Variants in CPAMD8 observed in about 807,000 individuals in gnomAD.
The protein encoded by CPAMD8 is C3 and PZP-like alpha-2-macroglobulin domain-containing protein 8.
Under a neutral mutation model 224.7 loss-of-function variants are expected in CPAMD8, and 146 were observed. The observed-to-expected ratio is 0.65, with a 90% CI of 0.57 to 0.75. The LOEUF (loss-of-function observed/expected upper bound fraction) is 0.75. CPAMD8 is among the 30% of genes least tolerant of loss of function. The pLI, the probability that CPAMD8 is intolerant of heterozygous loss-of-function variation, is 0.00. For synonymous variants in CPAMD8, 966 were observed against 1,044.6 expected, an observed-to-expected ratio of 0.92 and a Z score of 1.45; for missense variants, 2,301 against 2,537.5, an observed-to-expected ratio of 0.91 and a Z score of 2.00.
At chr19:16,920,890 G>A (rs1329274622) in intron 27 of CPAMD8, among the ~76,000 whole-genome samples, 4 of 149,244 alleles carry the variant, frequency 2.7e-5, no homozygotes, top group East Asian at 2.0e-4. Context: ...GGTCCAATGC[G>A]TCACAACTTG....
At chr19:16,953,002 T>A (rs150548786) in intron 19 of CPAMD8, among the ~76,000 whole-genome samples, 4 of 152,154 alleles carry the variant, frequency 2.6e-5, no homozygotes, top group African/African-American at 9.6e-5. Flanking sequence ...AATCAATGTG[T>A]TACTGGCATA....
chr19:16,901,187 G>T, intron 36 of CPAMD8, 23 bp downstream of exon 36: 1 of 1,566,488 alleles, frequency 6.4e-7, no homozygotes, highest in African/African-American at 1.4e-5. Context: ...CCTGCCCACC[G>T]CTGCTCACCG....
chr19:16,893,916 G>A (rs539604142), intron 41 of CPAMD8: 1 of 160,634 alleles, frequency 6.2e-6, no homozygotes, highest in African/African-American at 2.4e-5. Context: ...CCAAAGGGAG[G>A]CCGGGGCTTT....
intron 34 of CPAMD8, 102 bp downstream of exon 34, chr19:16,903,459 T>C (rs1197077232): frequency 1.9e-6 from 3 of 1,548,164 alleles, no homozygotes; most frequent in East Asian, 2.3e-5. Flanking sequence ...TGCTGCTGAG[T>C]TCAGAACCCT....
At chr19:16,893,374 C>T in intron 41 of CPAMD8, 35 bp from the exon 42 acceptor site, 1 of 1,407,802 alleles carries the variant, frequency 7.1e-7, no homozygotes, top group Non-Finnish European at 9.6e-7. Flanking sequence ...ACATCCTCTA[C>T]AGCAAGTGGG....
intron 2 of CPAMD8, among the ~76,000 whole-genome samples, chr19:17,020,863 T>C (rs2056935204): frequency 6.6e-6 from 1 of 152,174 alleles, no homozygotes; most frequent in Admixed American, 6.5e-5. Context: ...GCAACCATTA[T>C]CCCATTTCCT....
rs988012060 is a variant in CPAMD8 at position 17,008,781 on chromosome 19, C to A, written c.505-222G>T. On this transcript the variant is annotated intron_variant, in intron 6 of 41. Transcript: ENST00000443236. ...GGGCCTACCTCCTCATTTAGGGAGC[C>A]GTGTACAAACCTAGAAATGGACGTG... The A allele has an allele frequency of 6.7e-6, 4 of 600,184 alleles. No homozygotes were observed. The African/African-American group carries it at 7.4e-5, about 11-fold the overall frequency. The allele number at this position is 600,184 out of a possible 1,614,324, so 37.2% of individuals were successfully genotyped here.
intron 20 of CPAMD8, among the ~76,000 whole-genome samples, chr19:16,949,927 A>G (rs1031873330): frequency 6.6e-5 from 10 of 152,120 alleles, no homozygotes; most frequent in Non-Finnish European, 4.4e-5. Flanking sequence ...ACCCATGACA[A>G]TGCTTCTTTG....
chr19:16,970,547 T>C (rs1034515530), intron 18 of CPAMD8, among the ~76,000 whole-genome samples: 8 of 151,020 alleles, frequency 5.3e-5, no homozygotes, highest in African/African-American at 1.9e-4. Context: ...ATCACACCAC[T>C]GGGGGTGTGG....
chr19:16,963,643 AGGT>A (rs1178608276), intron 18 of CPAMD8, among the ~76,000 whole-genome samples: 1 of 152,208 alleles, frequency 6.6e-6, no homozygotes, highest in East Asian at 1.9e-4. Flanking sequence ...GTGAGACAGA[AGGT>A]TAACAAGGAT....
chr19:16,906,749 A>G (rs938497281), intron 30 of CPAMD8, among the ~76,000 whole-genome samples: 4 of 150,794 alleles, frequency 2.7e-5, no homozygotes, highest in Non-Finnish European at 5.9e-5. Flanking sequence ...TTGCTCTGTT[A>G]CCCAGGCTGG....
chr19:16,998,176 T>A (rs1051041925), intron 10 of CPAMD8, among the ~76,000 whole-genome samples: 3 of 151,972 alleles, frequency 2.0e-5, no homozygotes, highest in Non-Finnish European at 4.4e-5. Flanking sequence ...AGCAGAGAGA[T>A]GGGCTGGGTG....
chr19:16,906,896 ACTC>A lies in CPAMD8; in HGVS notation c.4027+53_4027+55del, dbSNP rs2052538330. 3.4e-6 allele frequency: 5 copies of A among 1,488,250 alleles called. No individual in the cohort carries two copies. The African/African-American group carries it at 6.9e-5, about 21-fold the overall frequency. The allele number at this position is 1,488,250 out of a possible 1,614,324, so 92.2% of individuals were successfully genotyped here. Reference sequence around the variant, plus strand: ...AATATGTTCATGAGTTGTTTACCAGACTCCACAGTGGGCTTCCCGACGCTGTGG... The same window carrying A: ...AATATGTTCATGAGTTGTTTACCAGACACAGTGGGCTTCCCGACGCTGTGG... On this transcript the variant is annotated intron_variant, in intron 30 of 41. Coordinates refer to ENST00000443236, the MANE Select transcript of CPAMD8 (RefSeq NM_015692.5).
At chr19:16,913,949 A>G (rs1382391137) in intron 29 of CPAMD8, among the ~76,000 whole-genome samples, 1 of 152,140 alleles carries the variant, frequency 6.6e-6, no homozygotes, top group African/African-American at 2.4e-5. Flanking sequence ...GCCTCATAGA[A>G]GAGACTATGG....
In CPAMD8 at chr19:16,975,195, G is replaced by T; in HGVS notation, c.1972C>A (p.Pro658Thr). ...DSFGVSREDGPFWWAGLTAQR... is the reference protein window; with the variant it reads ...DSFGVSREDGTFWWAGLTAQR... ...GCCGTCAGCCCAGCCCACCAAAAAG[G>T]ACCATCCTCCCTGGACACGCCAAAG... The change falls in exon 17 of 42, where the codon CCT (proline) becomes ACT (threonine). Residue 658 changes from proline (P) to threonine (T), a missense_variant. Physicochemically the swap from Pro to Thr is conservative, Grantham distance 38 (BLOSUM62 -1). Coordinates refer to ENST00000443236, the MANE Select transcript of CPAMD8 (RefSeq NM_015692.5). 1 of 1,611,548 alleles carries T rather than the reference G, an allele frequency of 6.2e-7. No individual in the cohort carries two copies. Among genetic ancestry groups the T allele is most frequent in the Non-Finnish European group, 8.5e-7 (1 of 1,178,922 alleles).
Position 16,938,426 on chromosome 19 carries a change from C to T in CPAMD8, c.2814G>A (p.Ala938=), listed in dbSNP as rs757550356. 2.6e-5 allele frequency: 41 copies of T among 1,575,706 alleles called. No homozygotes were observed. The Admixed American group carries it at 3.6e-4, about 14-fold the overall frequency. ...VMVEAEGVPR[A]YTYSAFFCPS... ...GACAGAAGAATGCGCTGTAGGTGTACGCCCGGGGGACTCCTTCCGCCTGAA... is the reference window on the plus strand; with the variant it reads ...GACAGAAGAATGCGCTGTAGGTGTATGCCCGGGGGACTCCTTCCGCCTGAA... Residue 938 remains alanine (A), a synonymous_variant, in exon 23 of 42, where the codon GCG becomes GCA. Transcript: ENST00000443236.
chr19:16,996,370 C>A (rs1417259799), intron 11 of CPAMD8, among the ~76,000 whole-genome samples: 1 of 151,724 alleles, frequency 6.6e-6, no homozygotes, highest in Non-Finnish European at 1.5e-5. Context: ...ATCATGACAT[C>A]TGGACACCTC....
intron 23 of CPAMD8, among the ~76,000 whole-genome samples, chr19:16,934,861 C>T (rs149415010): frequency 6.6e-6 from 1 of 152,176 alleles, no homozygotes; most frequent in Non-Finnish European, 1.5e-5. Context: ...AGTTCAATGG[C>T]ATTAAGTACA....
intron 41 of CPAMD8, chr19:16,894,414 C>T (rs1198847030): frequency 8.8e-6 from 4 of 456,530 alleles, no homozygotes; most frequent in Admixed American, 4.7e-5. Context: ...GCAGGGCAGC[C>T]GTTAGGAAGA....
Sources: gnomAD v4.1 joint callset for allele counts (sites outside exome capture counted in the v4.1 genomes callset) on GRCh38, gnomAD v4.1.1 for gene constraint, MANE v1.5 for transcripts, NCBI Gene and HGNC (gene_info 2026-07-23, HGNC 2026-07-21) for gene names.